The following UGT2B7 variants were observed in gnomAD, a reference collection of about 807,000 sequenced individuals.
The protein encoded by UGT2B7 is UDP glucuronosyltransferase family 2 member B7, also known as UDP-glucuronosyltransferase 2B7.
In UGT2B7, 51 loss-of-function variants were observed where a neutral mutation model predicts 51.9. The ratio of observed to expected loss-of-function variants is 0.98; its 90% CI spans 0.78 to 1.24. The LOEUF (loss-of-function observed/expected upper bound fraction) is 1.24, where lower values mean the gene tolerates loss of function less well. Among genes scored for constraint, UGT2B7 ranks in the 50% most tolerant of loss-of-function variants. UGT2B7 has a pLI of 0.00. For missense variants in UGT2B7, 727 were observed against 628.4 expected, an observed-to-expected ratio of 1.16 and a Z score of -1.68; for synonymous variants, 225 against 211.6, an observed-to-expected ratio of 1.06 and a Z score of -0.55.
At chr4:69,107,058 T>G (rs1322248667) in intron 3 of UGT2B7, 117 bp from the exon 4 acceptor site, 2 of 1,139,756 alleles carry the variant, frequency 1.8e-6, no homozygotes, top group Non-Finnish European at 2.5e-6. Flanking sequence ...CATTAGTCTT[T>G]GAGTAGTTCT....
At chr4:69,053,498 G>A (rs1305173685) in intron 1 of UGT2B7, among the ~76,000 whole-genome samples, 1 of 152,212 alleles carries the variant, frequency 6.6e-6, no homozygotes, top group East Asian at 1.9e-4. Flanking sequence ...GGCCCTAATT[G>A]TCCCCTTTCC....
chr4:69,088,952 G>C (rs1327133390), intron 1 of UGT2B7, among the ~76,000 whole-genome samples: 2 of 152,106 alleles, frequency 1.3e-5, no homozygotes, highest in Non-Finnish European at 2.9e-5. Context: ...GTGTGTGGAA[G>C]GGGTGCCATA....
intron 1 of UGT2B7, among the ~76,000 whole-genome samples, chr4:69,077,894 A>G (rs1429593974): frequency 6.6e-6 from 1 of 152,214 alleles, no homozygotes; most frequent in Non-Finnish European, 1.5e-5. Context: ...TTGCCCATTC[A>G]GTATGATATG....
intron 5 of UGT2B7, among the ~76,000 whole-genome samples, chr4:69,108,967 A>T (rs748816635): frequency 6.6e-6 from 1 of 151,734 alleles, no homozygotes; most frequent in South Asian, 2.1e-4. Flanking sequence ...TTCTCTTTAG[A>T]TATTTCATAT....
chr4:69,085,307 G>A (rs1044330458), intron 1 of UGT2B7, among the ~76,000 whole-genome samples: 7 of 151,904 alleles, frequency 4.6e-5, no homozygotes, highest in Admixed American at 4.6e-4. Context: ...TTTTTGATGG[G>A]GTTGTTTGTT....
In UGT2B7 at chr4:69,071,960, A is replaced by G. The variant is rs575850181; in HGVS notation, c.-158-17512A>G. On this transcript the variant is annotated intron_variant, in intron 1 of 5. Transcript: ENST00000502942. ...ATGAAACAACTTCTGAAAATGCATCAAGGACCTTGCCAAAATAGATCTTCT... is the reference window on the plus strand; with the variant it reads ...ATGAAACAACTTCTGAAAATGCATCGAGGACCTTGCCAAAATAGATCTTCT... 8.7e-4 allele frequency among the ~76,000 whole-genome samples: 133 copies of G among 152,172 alleles called. No individual in the cohort carries two copies. The South Asian group carries it at 0.016, about 19-fold the overall frequency.
chr4:69,082,922 A>G (rs985108822), intron 1 of UGT2B7, among the ~76,000 whole-genome samples: 3 of 152,130 alleles, frequency 2.0e-5, no homozygotes, highest in African/African-American at 7.2e-5. Flanking sequence ...CTCTTTCGTT[A>G]GTGGCTAATT....
At chr4:69,072,482 G>A (rs1246308092) in intron 1 of UGT2B7, among the ~76,000 whole-genome samples, 1 of 152,164 alleles carries the variant, frequency 6.6e-6, no homozygotes, top group Non-Finnish European at 1.5e-5. Context: ...AATGCTTTAT[G>A]TATAAGTTTT....
At chr4:69,071,445 C>T (rs754025941) in intron 1 of UGT2B7, among the ~76,000 whole-genome samples, 7 of 152,112 alleles carry the variant, frequency 4.6e-5, no homozygotes, top group Non-Finnish European at 7.4e-5. Flanking sequence ...ATGGCAAAAG[C>T]TCTCCAATAC....
intron 1 of UGT2B7, among the ~76,000 whole-genome samples, chr4:69,072,402 G>A (rs4516791): frequency 0.43 from 65,273 of 151,994 alleles, 15,574 homozygotes; most frequent in African/African-American, 0.64. Flanking sequence ...AGTTGGAGAC[G>A]AAAATGAAAT....
chr4:69,098,780 T>C, intron 2 of UGT2B7, 92 bp downstream of exon 2: 1 of 1,563,642 alleles, frequency 6.4e-7, no homozygotes, highest in Non-Finnish European at 8.6e-7. Flanking sequence ...TGACTTACAC[T>C]GAAAGAAAGA....
At chr4:69,107,981 T>C in intron 4 of UGT2B7, 122 bp from the exon 5 acceptor site, 1 of 1,325,104 alleles carries the variant, frequency 7.5e-7, no homozygotes, top group Non-Finnish European at 1.1e-6. Flanking sequence ...CTCCGAAGTC[T>C]GAAACACAAT....
At chr4:69,100,666 G>A (rs999462771) in intron 2 of UGT2B7, among the ~76,000 whole-genome samples, 5 of 152,118 alleles carry the variant, frequency 3.3e-5, no homozygotes, top group African/African-American at 1.2e-4. Context: ...GAAGAGAATA[G>A]GAGGTGTAGA....
At chr4:69,093,840 G>A (rs1442857989), upstream of UGT2B7, among the ~76,000 whole-genome samples, 1 of 152,150 alleles carries the variant, frequency 6.6e-6, no homozygotes, top group African/African-American at 2.4e-5. Flanking sequence ...ATTCTCTGTG[G>A]ATCAAGTTGT....
intron 5 of UGT2B7, among the ~76,000 whole-genome samples, chr4:69,109,520 C>A (rs961339963): frequency 4.6e-5 from 7 of 152,084 alleles, no homozygotes; most frequent in Non-Finnish European, 8.8e-5. Flanking sequence ...GCCTACTGAT[C>A]ATTCATATAT....
chr4:69,077,126 T>G (rs897971955), intron 1 of UGT2B7, among the ~76,000 whole-genome samples: 4 of 152,186 alleles, frequency 2.6e-5, no homozygotes, highest in Admixed American at 2.6e-4. Flanking sequence ...CTCTGTTCTG[T>G]TCCATTGGTC....
intron 1 of UGT2B7, among the ~76,000 whole-genome samples, chr4:69,061,095 A>T (rs1156979313): frequency 6.6e-6 from 1 of 152,178 alleles, no homozygotes; most frequent in African/African-American, 2.4e-5. Context: ...TGGACTCAGC[A>T]GTAGAGGCAC....
intron 1 of UGT2B7, among the ~76,000 whole-genome samples, chr4:69,051,774 A>G (rs1356961597): frequency 6.6e-6 from 1 of 152,146 alleles, no homozygotes; most frequent in African/African-American, 2.4e-5. Context: ...GGCCTGATCA[A>G]CCCAAGGTGT....
upstream of UGT2B7, among the ~76,000 whole-genome samples, chr4:69,092,125 T>A (rs1719099224): frequency 6.6e-6 from 1 of 151,976 alleles, no homozygotes. Flanking sequence ...ATGTTTGTAC[T>A]GAGTAGGTCT....
Sources: gnomAD v4.1 joint callset for allele counts (sites outside exome capture counted in the v4.1 genomes callset) on GRCh38, gnomAD v4.1.1 for gene constraint, MANE v1.5 for transcripts, NCBI Gene and HGNC (gene_info 2026-07-23, HGNC 2026-07-21) for gene names.